TTC8: variants seen among roughly 807,000 people sequenced by gnomAD.
TTC8 encodes tetratricopeptide repeat domain 8, also known as tetratricopeptide repeat protein 8.
In TTC8, 47 loss-of-function variants were observed where a neutral mutation model predicts 72.5. That is an observed-to-expected ratio of 0.65 (90% confidence interval 0.51 to 0.83). The LOEUF is 0.83. Ranked by LOEUF, TTC8 falls within the 40% of genes least tolerant of loss-of-function variation. TTC8 has a pLI of 0.00. For synonymous variants in TTC8, 199 were observed against 221.4 expected (o/e 0.90, Z 0.90); for missense variants, 611 against 623.2 (o/e 0.98, Z 0.21).
chr14:88,874,914 A>G, intron 13 of TTC8, 112 bp from the exon 14 acceptor site: 1 of 715,074 alleles, frequency 1.4e-6, no homozygotes, highest in Non-Finnish European at 2.3e-6. Flanking sequence ...GGCTCGTGTT[A>G]TTAAAGTCCT....
intron 12 of TTC8, 109 bp from the exon 13 acceptor site, chr14:88,872,221 G>C (rs2094937319): frequency 6.8e-7 from 1 of 1,464,662 alleles, no homozygotes; most frequent in Non-Finnish European, 9.5e-7. Flanking sequence ...TTCTATAATT[G>C]TATGGTACTT....
chr14:88,854,030 G>A (rs904020233), intron 8 of TTC8, among the ~76,000 whole-genome samples: 1 of 152,126 alleles, frequency 6.6e-6, no homozygotes, highest in African/African-American at 2.4e-5. Context: ...TTGTTCTGCC[G>A]TTGAAATTAA....
At chr14:88,832,982 C>A (rs933025912) in intron 1 of TTC8, among the ~76,000 whole-genome samples, 2 of 152,278 alleles carry the variant, frequency 1.3e-5, no homozygotes, top group African/African-American at 4.8e-5. Context: ...AATTACCTGT[C>A]CTTGCATGGT....
chr14:88,861,266 C>A lies in TTC8; in HGVS notation c.843C>A (p.Phe281Leu). 6.2e-7 allele frequency: 1 copy of A among 1,612,862 alleles called. No homozygotes were observed. The highest frequency in any genetic ancestry group is 1.1e-5 in the South Asian group (1 of 90,972). The stretch of plus-strand genomic sequence containing the variant: ...AACCTGTGACTGCTTTAAATCTTTT[C>A]AAACAAGGCTTAGATAAGTTTCCAG... ...LDQPVTALNLFKQGLDKFPGE... is the reference protein window; with the variant it reads ...LDQPVTALNLLKQGLDKFPGE... The change falls in exon 10 of 15, where the codon TTC (phenylalanine) becomes TTA (leucine). Residue 281 changes from phenylalanine (F) to leucine (L), a missense_variant. Coordinates refer to ENST00000380656, the MANE Select transcript of TTC8 (RefSeq NM_144596.4).
intron 14 of TTC8, 148 bp downstream of exon 14, chr14:88,875,257 C>T: frequency 1.5e-6 from 1 of 688,918 alleles, no homozygotes; most frequent in Non-Finnish European, 2.5e-6. Flanking sequence ...TTTATTTATA[C>T]ATCTTTACTT....
intron 1 of TTC8, chr14:88,830,968 C>T (rs964100055): frequency 8.8e-6 from 4 of 455,378 alleles, no homozygotes; most frequent in Non-Finnish European, 8.8e-6. Context: ...TGTCATCCCA[C>T]ATACTCAGCA....
chr14:88,834,739 G>A (rs1333216264), intron 2 of TTC8, among the ~76,000 whole-genome samples: 1 of 151,914 alleles, frequency 6.6e-6, no homozygotes, highest in Non-Finnish European at 1.5e-5. Flanking sequence ...CATTCAAGAA[G>A]GATCAAAGTT....
rs892946111 is a variant in TTC8 at position 88,871,415 on chromosome 14, C to A, written c.1050-134C>A. 2 of 785,048 alleles carry A rather than the reference C, an allele frequency of 2.5e-6. No homozygotes were observed. Among genetic ancestry groups the A allele is most frequent in the Non-Finnish European group, 4.2e-6 (2 of 480,822 alleles). The allele number at this position is 785,048 out of a possible 1,614,324, so 48.6% of individuals were successfully genotyped here. A position where few individuals can be genotyped will look rare whatever the true frequency, so the allele number is the denominator to read the frequency against. On this transcript the variant is annotated intron_variant, in intron 11 of 14. Transcript: ENST00000380656. The surrounding 1 kb of genome is among the most constrained non-coding windows in gnomAD (Gnocchi z 4.1). ...AAACATTTTTTCATTTACTATAACACGTATTTATATTCTTAAGGAGTATCA... is the reference window on the plus strand; with the variant it reads ...AAACATTTTTTCATTTACTATAACAAGTATTTATATTCTTAAGGAGTATCA...
intron 13 of TTC8, among the ~76,000 whole-genome samples, chr14:88,874,691 T>C (rs1223318336): frequency 6.6e-6 from 1 of 152,194 alleles, no homozygotes; most frequent in Non-Finnish European, 1.5e-5. Flanking sequence ...ATTGAGAAGA[T>C]TGTATTTCAG....
chr14:88,869,694 C>T (rs2094925556), intron 10 of TTC8, among the ~76,000 whole-genome samples: 1 of 152,118 alleles, frequency 6.6e-6, no homozygotes, highest in Non-Finnish European at 1.5e-5. Flanking sequence ...CAGATATGCT[C>T]AGGGCTTGAT....
intron 8 of TTC8, among the ~76,000 whole-genome samples, chr14:88,854,620 G>A (rs549000510): frequency 1.3e-5 from 2 of 152,172 alleles, no homozygotes; most frequent in South Asian, 4.1e-4. Context: ...GTTTAAAGAT[G>A]AAATTCATAT....
chr14:88,839,588 T>TAA lies in TTC8; in HGVS notation c.265+16_265+17insAA, dbSNP rs773587440. Reference sequence around the variant, plus strand: ...CAAGTTCCACGTAAGTATTGGGTTTTCAGTTAAGTTAATGAAATACCATTA... The same window carrying TAA: ...CAAGTTCCACGTAAGTATTGGGTTTTAACAGTTAAGTTAATGAAATACCATTA... On this transcript the variant is annotated intron_variant, in intron 3 of 14. Coordinates refer to ENST00000380656, the MANE Select transcript of TTC8 (RefSeq NM_144596.4). 6.2e-7 allele frequency: 1 copy of TAA among 1,612,522 alleles called. No individual in the cohort carries two copies. Among genetic ancestry groups the TAA allele is most frequent in the African/African-American group, 1.3e-5 (1 of 74,970 alleles).
At chr14:88,879,061 T>C (rs1170668341), downstream of TTC8, 1 of 152,020 alleles carries the variant, frequency 6.6e-6, no homozygotes, top group Non-Finnish European at 1.5e-5. Flanking sequence ...ATTAGGAAAG[T>C]TGAATAATAA....
intron 10 of TTC8, among the ~76,000 whole-genome samples, chr14:88,869,634 C>G (rs2094925245): frequency 1.3e-5 from 2 of 152,150 alleles, no homozygotes; most frequent in South Asian, 4.1e-4. Flanking sequence ...GCACGTTCCC[C>G]TCTCAGGCTC....
chr14:88,835,712 A>T (rs2094747551), intron 2 of TTC8, among the ~76,000 whole-genome samples: 1 of 152,048 alleles, frequency 6.6e-6, no homozygotes, highest in African/African-American at 2.4e-5. Flanking sequence ...GTAGTTTGGG[A>T]TTACTGTGTG....
rs1754480274 is a variant in TTC8 at position 88,877,365 on chromosome 14, A to G, written c.1503A>G (p.Thr501=). The part of the protein sequence containing the change: ...SEAAFPDHVD[T]QHLIKQLRQH... ...CAGCATTTCCAGACCATGTGGACAC[A>G]CAACATTTAATTAAACAATTAAGGC... The change falls in exon 15 of 15, where the codon ACA becomes ACG. Residue 501 remains threonine (T), a synonymous_variant. Coordinates refer to ENST00000380656, the MANE Select transcript of TTC8 (RefSeq NM_144596.4). 15 of 1,613,826 alleles carry G rather than the reference A, an allele frequency of 9.3e-6. No individual in the cohort carries two copies. The highest frequency in any genetic ancestry group is 1.2e-5 in the Non-Finnish European group (14 of 1,179,798).
In TTC8 at chr14:88,855,355, G is replaced by A. The variant is rs2094851234; in HGVS notation, c.711-1835G>A. On this transcript the variant is annotated intron_variant, in intron 8 of 14. Transcript: ENST00000380656. ...ACAGTTTTGTTAACTTTAAGTTGGA[G>A]AGAAAAAGTTGGCAGCTGGACTCTG... 2.0e-5 allele frequency among the ~76,000 whole-genome samples: 3 copies of A among 152,162 alleles called. No individual in the cohort carries two copies. The South Asian group carries it at 6.2e-4, about 31-fold the overall frequency.
At chr14:88,840,806 TAC>T in intron 3 of TTC8, 57 bp from the exon 4 acceptor site, 1 of 1,546,732 alleles carries the variant, frequency 6.5e-7, no homozygotes, top group South Asian at 1.1e-5. Context: ...TGTATTAGCT[TAC>T]AGTTTTTACA....
intron 9 of TTC8, among the ~76,000 whole-genome samples, chr14:88,857,850 G>T (rs1347162601): frequency 2.0e-5 from 3 of 152,080 alleles, no homozygotes. Flanking sequence ...TCCCTTGGTG[G>T]TTAGGAGTTA....
Sources: gnomAD v4.1 joint callset for allele counts (sites outside exome capture counted in the v4.1 genomes callset) on GRCh38, gnomAD v4.1.1 for gene constraint, Gnocchi (gnomAD v3.1) non-coding constraint, MANE v1.5 for transcripts, NCBI Gene and HGNC (gene_info 2026-07-23, HGNC 2026-07-21) for gene names.